Variants in ICA1 observed in about 807,000 individuals in gnomAD.
The protein encoded by ICA1 is 69 kDa islet cell autoantigen.
Under a neutral mutation model 71.0 loss-of-function variants are expected in ICA1, and 40 were observed. The ratio of observed to expected loss-of-function variants is 0.56; its 90% CI spans 0.44 to 0.73. ICA1 has a LOEUF of 0.73. ICA1 is among the 30% of genes least tolerant of loss of function. The probability of loss-of-function intolerance (pLI) is 0.00; values close to 1 mark genes in which losing one functional copy is unlikely to be tolerated. For missense variants in ICA1, 578 were observed against 576.5 expected (o/e 1.00, Z -0.03); for synonymous variants, 207 against 209.5 (o/e 0.99, Z 0.10).
At chr7:8,116,277 G>A (rs995013478) in intron 13 of ICA1, 1 of 152,194 alleles carries the variant, frequency 6.6e-6, no homozygotes, top group Admixed American at 6.5e-5. Context: ...CTTGTCTTTG[G>A]TACTGGCCAT....
intron 6 of ICA1, among the ~76,000 whole-genome samples, chr7:8,204,767 G>A (rs1790920576): frequency 6.6e-6 from 1 of 151,978 alleles, no homozygotes; most frequent in Admixed American, 6.6e-5. Flanking sequence ...CTTATTTTCT[G>A]GATTAAATCG....
At chr7:8,161,326 G>A (rs1803720022) in intron 6 of ICA1, among the ~76,000 whole-genome samples, 1 of 152,106 alleles carries the variant, frequency 6.6e-6, no homozygotes, top group East Asian at 1.9e-4. Context: ...GAACTAAGAG[G>A]AACAGAGAGA....
chr7:8,243,369 C>CCT (rs1804717536), intron 1 of ICA1, among the ~76,000 whole-genome samples: 1 of 152,158 alleles, frequency 6.6e-6, no homozygotes, highest in Non-Finnish European at 1.5e-5. Context: ...TTCAACAATG[C>CCT]TTCATGCTAA....
intron 8 of ICA1, among the ~76,000 whole-genome samples, chr7:8,150,530 C>T (rs368453647): frequency 1.1e-4 from 16 of 152,332 alleles, no homozygotes; most frequent in Admixed American, 3.3e-4. Context: ...TGCTTCAGGC[C>T]TTTCGGCTAT....
At chr7:8,247,042 G>A (rs1806304033) in intron 1 of ICA1, among the ~76,000 whole-genome samples, 1 of 152,068 alleles carries the variant, frequency 6.6e-6, no homozygotes, top group Non-Finnish European at 1.5e-5. Flanking sequence ...CACCATGCCT[G>A]GCCTTTCCTT....
intron 12 of ICA1, among the ~76,000 whole-genome samples, chr7:8,135,924 T>C (rs1290704479): frequency 1.3e-5 from 2 of 152,188 alleles, no homozygotes; most frequent in African/African-American, 4.8e-5. Flanking sequence ...TCATTTTTCT[T>C]GGCCCAATTT....
In ICA1 at chr7:8,222,791, T is replaced by C. The variant is rs1797518925; in HGVS notation, c.257-1393A>G. Among the ~76,000 whole-genome samples, 1 of 152,198 alleles carries C rather than the reference T, an allele frequency of 6.6e-6. No individual in the cohort carries two copies. On this transcript the variant is annotated intron_variant, in intron 4 of 13. Coordinates refer to ENST00000402384, the MANE Select transcript of ICA1 (RefSeq NM_001136020.3). This position sits in a 1 kb window ranked among gnomAD's most constrained non-coding sequence, Gnocchi z 4.8. ...GCAGGTTCCTTTCTCTGTGAAGCAA[T>C]TGATCCCTATTTCTCCGGACAGCAG...
chr7:8,193,847 G>T (rs1390092682), intron 6 of ICA1, among the ~76,000 whole-genome samples: 1 of 152,128 alleles, frequency 6.6e-6, no homozygotes, highest in Admixed American at 6.5e-5. Flanking sequence ...ATAAAGAAAA[G>T]AGGAGATGAT....
rs1305988305 is a variant in ICA1 at position 8,144,434 on chromosome 7, TA to T, written c.805-463del. ...AAATTTTGTTTGCTATTTTGCAATC[TA>T]AAACCCAGTTTTAAAAAATAACAGA... On this transcript the variant is annotated intron_variant, in intron 8 of 13. Transcript: ENST00000402384. The surrounding 1 kb of genome is among the most constrained non-coding windows in gnomAD (Gnocchi z 4.5). Among the ~76,000 whole-genome samples, 3 of 152,242 alleles carry T rather than the reference TA, an allele frequency of 2.0e-5. No homozygotes were observed. The highest frequency in any genetic ancestry group is 7.2e-5 in the African/African-American group (3 of 41,464).
chr7:8,217,486 G>A (rs1452508812), intron 6 of ICA1, among the ~76,000 whole-genome samples: 1 of 152,110 alleles, frequency 6.6e-6, no homozygotes, highest in Admixed American at 6.6e-5. Context: ...AATTACAAAT[G>A]GATCATTTGA....
intron 1 of ICA1, among the ~76,000 whole-genome samples, chr7:8,261,837 T>C (rs1309031542): frequency 6.6e-6 from 1 of 152,092 alleles, no homozygotes; most frequent in Non-Finnish European, 1.5e-5. Context: ...CCCCCGGGGC[T>C]GACGCACGCT....
At chr7:8,225,843 C>G (rs977374840) in intron 4 of ICA1, among the ~76,000 whole-genome samples, 1 of 152,174 alleles carries the variant, frequency 6.6e-6, no homozygotes, top group Non-Finnish European at 1.5e-5. Context: ...TCTGCAATAT[C>G]TTATCTATTC....
chr7:8,218,527 C>T lies in ICA1; in HGVS notation c.381-24G>A, dbSNP rs73233976. ...ACCTAGACAAGAGGACAAAGCCACA[C>T]TCTCAAAACTAAGCCAGTGAGCAAT... On this transcript the variant is annotated intron_variant, in intron 5 of 13. Coordinates refer to ENST00000402384, the MANE Select transcript of ICA1 (RefSeq NM_001136020.3). The T allele has an allele frequency of 2.4e-4, 389 of 1,601,666 alleles. 1 individual carries two copies. The African/African-American group carries it at 4.6e-3, about 19-fold the overall frequency.
intron 6 of ICA1, among the ~76,000 whole-genome samples, chr7:8,212,728 T>C (rs994238893): frequency 6.6e-6 from 1 of 152,142 alleles, no homozygotes; most frequent in Admixed American, 6.5e-5. Flanking sequence ...CCATCCTGAC[T>C]CTGAGGTCAC....
chr7:8,140,626 G>C (rs140538341), intron 10 of ICA1, among the ~76,000 whole-genome samples: 425 of 152,346 alleles, frequency 2.8e-3, no homozygotes, highest in Admixed American at 4.6e-3. Flanking sequence ...GTGCACCACT[G>C]TATGCCCAGA....
chr7:8,205,970 C>G (rs1025416323), intron 6 of ICA1, among the ~76,000 whole-genome samples: 29 of 152,110 alleles, frequency 1.9e-4, no homozygotes, highest in African/African-American at 7.0e-4. Context: ...GGAGATGGTT[C>G]CCTCTCAAAT....
chr7:8,237,402 T>C (rs79078385), intron 1 of ICA1, among the ~76,000 whole-genome samples: 4 of 152,224 alleles, frequency 2.6e-5, no homozygotes, highest in Non-Finnish European at 5.9e-5. Context: ...TTGAGTTCAA[T>C]GTCACCATGA....
rs976591885 is a variant in ICA1, at chr7:8,123,544, G to A, written c.1330+4329C>T. Reference sequence around the variant, plus strand: ...AGATGCAGCAGGAGTGTGCCAGAGCGAATGTAGCTGCTGGCACACAGGAAC... The same window carrying A: ...AGATGCAGCAGGAGTGTGCCAGAGCAAATGTAGCTGCTGGCACACAGGAAC... On this transcript the variant is annotated intron_variant, in intron 13 of 13. Coordinates refer to ENST00000402384, the MANE Select transcript of ICA1 (RefSeq NM_001136020.3). The surrounding 1 kb of genome is among the most constrained non-coding windows in gnomAD (Gnocchi z 4.1). Among the ~76,000 whole-genome samples, 2 of 152,182 alleles carry A rather than the reference G, an allele frequency of 1.3e-5. No homozygotes were observed. Among genetic ancestry groups the A allele is most frequent in the Non-Finnish European group, 2.9e-5 (2 of 68,032 alleles).
chr7:8,128,104 C>T lies in ICA1; in HGVS notation c.1099G>A (p.Gly367Ser). 1 of 1,614,198 alleles carries T rather than the reference C, an allele frequency of 6.2e-7. No homozygotes were observed. The change falls in exon 13 of 14, where the codon GGT (glycine) becomes AGT (serine). Residue 367 changes from glycine to serine, a missense_variant. Coordinates refer to ENST00000402384, the MANE Select transcript of ICA1 (RefSeq NM_001136020.3). ...AGCAGCAGGTCATCTTTGTCAGCAC[C>T]TTCAGGTTCCGGGGTCCCTGCCACT... ...GPVAGTPEPE[G>S]ADKDDLLLLS...
Sources: allele counts gnomAD v4.1 joint callset (sites outside exome capture counted in the v4.1 genomes callset), GRCh38; gene constraint gnomAD v4.1.1; non-coding constraint Gnocchi (gnomAD v3.1); transcripts MANE v1.5; gene names NCBI Gene and HGNC (gene_info 2026-07-23, HGNC 2026-07-21).